The following SH3PXD2B variants were observed in gnomAD, a reference collection of about 807,000 sequenced individuals.
SH3PXD2B encodes SH3 and PX domain-containing protein 2B.
SH3PXD2B carries 37 observed loss-of-function variants against 73.1 expected under a neutral mutation model. The ratio of observed to expected loss-of-function variants is 0.51; its 90% confidence interval spans 0.39 to 0.67. The LOEUF is 0.67. Among genes scored for constraint, SH3PXD2B ranks in the 30% least tolerant of loss-of-function variants. The pLI, the probability that SH3PXD2B is intolerant of heterozygous loss-of-function variation, is 0.00. For missense variants in SH3PXD2B, 1,053 were observed against 1,197.8 expected (o/e 0.88, Z 1.78); for synonymous variants, 457 against 480.5 (o/e 0.95, Z 0.64).
intron 5 of SH3PXD2B, among the ~76,000 whole-genome samples, chr5:172,374,690 A>T (rs973913255): frequency 1.3e-5 from 2 of 151,950 alleles, no homozygotes; most frequent in Non-Finnish European, 2.9e-5. Context: ...TGGTGGGGGG[A>T]GTGGGGAAAG....
At chr5:172,440,859 G>C (rs1256205486) in intron 1 of SH3PXD2B, among the ~76,000 whole-genome samples, 4 of 152,168 alleles carry the variant, frequency 2.6e-5, no homozygotes, top group African/African-American at 9.7e-5. Flanking sequence ...AGAGAAGCTA[G>C]TTAGGAGGCT....
At chr5:172,360,006 C>A (rs1757364410) in intron 7 of SH3PXD2B, among the ~76,000 whole-genome samples, 1 of 152,126 alleles carries the variant, frequency 6.6e-6, no homozygotes, top group East Asian at 1.9e-4. Context: ...GGCAAGGAAA[C>A]AGATCCTATT....
chr5:172,329,083 A>ATATATATATTTTT (rs58472514), downstream of SH3PXD2B, among the ~76,000 whole-genome samples: 2 of 61,812 alleles, frequency 3.2e-5, no homozygotes, highest in African/African-American at 7.8e-5. Context: ...ATATATATAT[A>ATATATATATTTTT]TTTTTTTTTT....
chr5:172,418,451 C>T (rs903241577), intron 2 of SH3PXD2B, among the ~76,000 whole-genome samples: 14 of 152,216 alleles, frequency 9.2e-5, no homozygotes, highest in Non-Finnish European at 1.6e-4. Flanking sequence ...CCACACTGGC[C>T]TTGCTGCTCC....
intron 1 of SH3PXD2B, among the ~76,000 whole-genome samples, chr5:172,439,289 AAAC>A (rs74858516): frequency 0.026 from 1,566 of 59,758 alleles, 68 homozygotes; most frequent in African/African-American, 0.083. Flanking sequence ...AACAAAAAAA[AAAC>A]CCCAAAAAAA....
chr5:172,450,369 C>T (rs147396616), intron 1 of SH3PXD2B, among the ~76,000 whole-genome samples: 37 of 151,752 alleles, frequency 2.4e-4, no homozygotes, highest in Non-Finnish European at 4.4e-4. Context: ...TGCTTTATTT[C>T]TTAAAAATAA....
At chr5:172,430,968 G>A (rs1759224708) in intron 1 of SH3PXD2B, among the ~76,000 whole-genome samples, 2 of 152,040 alleles carry the variant, frequency 1.3e-5, no homozygotes. Context: ...CCGGGTTCAA[G>A]CGATTCTCAT....
chr5:172,454,348 G>A lies in SH3PXD2B; in HGVS notation c.5C>T (p.Pro2Leu), dbSNP rs1310261871. Reference sequence around the variant, plus strand: ...CACCTCCACGATGCTGCGCCGCGGCGGCATGGCCGCTCCTCCGCCCGCAGC... The same window carrying A: ...CACCTCCACGATGCTGCGCCGCGGCAGCATGGCCGCTCCTCCGCCCGCAGC... M[P>L]PRRSIVEVKV... Residue 2 changes from proline (P) to leucine (L), a missense_variant, in exon 1 of 13, where the codon CCG (proline) becomes CTG (leucine). Coordinates refer to ENST00000311601, the MANE Select transcript of SH3PXD2B (RefSeq NM_001017995.3). 2 of 1,520,670 alleles carry A rather than the reference G, an allele frequency of 1.3e-6. No individual in the cohort carries two copies. Among genetic ancestry groups the A allele is most frequent in the Admixed American group, 2.0e-5 (1 of 50,784 alleles). 94.2% of individuals were successfully genotyped at this position (1,520,670 alleles called of 1,614,324 possible). A position where few individuals can be genotyped will look rare whatever the true frequency, so the allele number is the denominator to read the frequency against.
At chr5:172,430,123 G>A (rs531285255) in intron 1 of SH3PXD2B, among the ~76,000 whole-genome samples, 47 of 152,368 alleles carry the variant, frequency 3.1e-4, no homozygotes, top group Middle Eastern at 6.8e-3. Flanking sequence ...ATGAGAACAT[G>A]CATGTAGATT....
At position 172,373,733 on chromosome 5, in the gene SH3PXD2B, C is replaced by T. The variant is rs1283629059; in HGVS notation, c.427+57G>A. Reference sequence around the variant, plus strand: ...CCCAGAGCCTGGTGCACAGTTGGTGCTCGGCTGGAGTTTGCCGAAAACTGA... The same window carrying T: ...CCCAGAGCCTGGTGCACAGTTGGTGTTCGGCTGGAGTTTGCCGAAAACTGA... On this transcript the variant is annotated intron_variant, in intron 6 of 12. Transcript: ENST00000311601. 1.7e-5 allele frequency: 27 copies of T among 1,557,822 alleles called. 1 individual carries two copies. In the Admixed American group the frequency reaches 4.7e-4, roughly 27 times the overall value.
At chr5:172,399,728 T>A (rs1032904708) in intron 3 of SH3PXD2B, among the ~76,000 whole-genome samples, 13 of 152,346 alleles carry the variant, frequency 8.5e-5, no homozygotes, top group Non-Finnish European at 1.9e-4. Flanking sequence ...TGTTCTTCTC[T>A]TCCTCCTTCA....
At chr5:172,419,882 A>G (rs1008466257) in intron 2 of SH3PXD2B, among the ~76,000 whole-genome samples, 3 of 152,124 alleles carry the variant, frequency 2.0e-5, no homozygotes, top group African/African-American at 7.2e-5. Context: ...CCCTATCTAG[A>G]CCCTCACTGC....
chr5:172,365,206 G>A (rs974293394), intron 6 of SH3PXD2B, among the ~76,000 whole-genome samples: 18 of 152,208 alleles, frequency 1.2e-4, no homozygotes, highest in African/African-American at 4.3e-4. Flanking sequence ...TGATGGTTCA[G>A]AAGATCGGGC....
chr5:172,433,637 G>C (rs993931787), intron 1 of SH3PXD2B, among the ~76,000 whole-genome samples: 1 of 152,170 alleles, frequency 6.6e-6, no homozygotes, highest in African/African-American at 2.4e-5. Flanking sequence ...GATGCCCAGA[G>C]TGGGGGTGGG....
chr5:172,368,891 A>T (rs11134744), intron 6 of SH3PXD2B, among the ~76,000 whole-genome samples: 59,550 of 132,752 alleles, frequency 0.45, 14,056 homozygotes, highest in East Asian at 0.67. Flanking sequence ...TATAAAAAAA[A>T]ATATATATAT....
intron 1 of SH3PXD2B, among the ~76,000 whole-genome samples, chr5:172,452,101 T>C (rs1461678588): frequency 6.6e-6 from 1 of 152,118 alleles, no homozygotes; most frequent in African/African-American, 2.4e-5. Context: ...TTTAGGGCAT[T>C]TAGGAATGCC....
Position 172,336,032 on chromosome 5 carries a change from G to C in SH3PXD2B, c.*2337C>G. 1 of 998,858 alleles carries C rather than the reference G, an allele frequency of 1.0e-6. No individual in the cohort carries two copies. The highest frequency in any genetic ancestry group is 1.2e-6 in the Non-Finnish European group (1 of 839,296). The allele number at this position is 998,858 out of a possible 1,614,324, so 61.9% of individuals were successfully genotyped here. A position where few individuals can be genotyped will look rare whatever the true frequency, so the allele number is the denominator to read the frequency against. ...TACCCAGCTGACCCCCGGGAGGAAG[G>C]AATGAAGCAAGAGAGAAACTCCTTC... On this transcript the variant is annotated 3_prime_UTR_variant, in exon 13 of 13. Coordinates refer to ENST00000311601, the MANE Select transcript of SH3PXD2B (RefSeq NM_001017995.3).
chr5:172,329,349 A>T (rs13177156), downstream of SH3PXD2B, among the ~76,000 whole-genome samples: 94,060 of 149,968 alleles, frequency 0.63, 29,810 homozygotes, highest in South Asian at 0.84. Context: ...CTCCCAAAGT[A>T]CTGGGATTAC....
At chr5:172,361,716 T>C (rs1757407876) in intron 7 of SH3PXD2B, among the ~76,000 whole-genome samples, 1 of 152,204 alleles carries the variant, frequency 6.6e-6, no homozygotes, top group African/African-American at 2.4e-5. Context: ...GGTGAGTGAC[T>C]GAGTTATTTG....
Sources: gnomAD v4.1 joint callset for allele counts (sites outside exome capture counted in the v4.1 genomes callset) on GRCh38, gnomAD v4.1.1 for gene constraint, MANE v1.5 for transcripts, NCBI Gene and HGNC (gene_info 2026-07-23, HGNC 2026-07-21) for gene names.